RPS6KC1: variants seen among roughly 807,000 people sequenced by gnomAD.
The protein encoded by RPS6KC1 is inactive ribosomal protein S6 kinase delta-1.
Under a neutral mutation model 103.8 loss-of-function variants are expected in RPS6KC1, and 54 were observed. The observed-to-expected ratio is 0.52, with a 90% confidence interval of 0.42 to 0.65. The LOEUF (loss-of-function observed/expected upper bound fraction) is 0.65, where lower values mean the gene tolerates loss of function less well. Ranked by LOEUF, RPS6KC1 falls within the 30% of genes least tolerant of loss-of-function variation. RPS6KC1 has a pLI of 0.00. For synonymous variants in RPS6KC1, 439 were observed against 438.7 expected, an observed-to-expected ratio of 1.00 and a Z score of -0.01; for missense variants, 1,151 against 1,253.8, an observed-to-expected ratio of 0.92 and a Z score of 1.24.
chr1:213,062,584 G>A (rs751675536), intron 1 of RPS6KC1, among the ~76,000 whole-genome samples: 1 of 151,060 alleles, frequency 6.6e-6, no homozygotes, highest in Admixed American at 6.6e-5. Context: ...TTGGGGCGGA[G>A]TCTCGCTCTG....
chr1:213,635,357 G>C, the RPS6KC1 span, among the ~76,000 whole-genome samples: 8 of 152,116 alleles, frequency 5.3e-5, no homozygotes, highest in Admixed American at 3.3e-4. Flanking sequence ...AATGAACATC[G>C]ATGTGAAAAT....
the RPS6KC1 span, among the ~76,000 whole-genome samples, chr1:213,743,400 A>G: frequency 6.6e-6 from 1 of 152,118 alleles, no homozygotes; most frequent in South Asian, 2.1e-4. Flanking sequence ...AAGAAAGGAG[A>G]GAGGAATGGG....
At chr1:213,796,561 A>G in the RPS6KC1 span, among the ~76,000 whole-genome samples, 1 of 152,162 alleles carries the variant, frequency 6.6e-6, no homozygotes, top group East Asian at 1.9e-4. Context: ...AGCAAAAGGT[A>G]CCTCAATCAT....
chr1:213,545,738 G>A, the RPS6KC1 span, among the ~76,000 whole-genome samples: 1 of 152,052 alleles, frequency 6.6e-6, no homozygotes, highest in African/African-American at 2.4e-5. Flanking sequence ...AGATTGTGTG[G>A]GCTCTGTGAA....
At chr1:213,640,454 C>T in the RPS6KC1 span, among the ~76,000 whole-genome samples, 1 of 149,818 alleles carries the variant, frequency 6.7e-6, no homozygotes, top group Non-Finnish European at 1.5e-5. Context: ...GATTTGTGTT[C>T]ATTTTTTTTT....
the RPS6KC1 span, among the ~76,000 whole-genome samples, chr1:213,534,790 T>C: frequency 2.6e-5 from 4 of 152,212 alleles, no homozygotes; most frequent in African/African-American, 7.2e-5. Context: ...CTTAAGAAGC[T>C]CTTACTTCAG....
At chr1:213,645,781 C>A in the RPS6KC1 span, among the ~76,000 whole-genome samples, 1 of 152,302 alleles carries the variant, frequency 6.6e-6, no homozygotes, top group East Asian at 1.9e-4. Flanking sequence ...TTTGGCTGGG[C>A]CACTGAAGCT....
chr1:213,376,904 GAGA>G, the RPS6KC1 span, among the ~76,000 whole-genome samples: 28 of 152,326 alleles, frequency 1.8e-4, no homozygotes, highest in Non-Finnish European at 3.1e-4. Flanking sequence ...GACAATCAGG[GAGA>G]AGAAGAATGA....
At chr1:213,384,301 A>T in the RPS6KC1 span, among the ~76,000 whole-genome samples, 2 of 146,402 alleles carry the variant, frequency 1.4e-5, no homozygotes, top group African/African-American at 5.4e-5. Context: ...TATATATATA[A>T]ATCTCAGCAT....
the RPS6KC1 span, among the ~76,000 whole-genome samples, chr1:213,523,730 ACT>A: frequency 6.6e-6 from 1 of 152,340 alleles, no homozygotes; most frequent in Non-Finnish European, 1.5e-5. Flanking sequence ...TGTAATTCAA[ACT>A]GCTGTAAGTG....
At chr1:213,675,968 AC>A in the RPS6KC1 span, among the ~76,000 whole-genome samples, 1 of 152,112 alleles carries the variant, frequency 6.6e-6, no homozygotes. Context: ...TAAAGTTCTA[AC>A]TCAGCTAAAC....
At chr1:213,732,635 T>C in the RPS6KC1 span, among the ~76,000 whole-genome samples, 1 of 152,176 alleles carries the variant, frequency 6.6e-6, no homozygotes, top group Admixed American at 6.5e-5. Flanking sequence ...CGGATCCCTA[T>C]GACACTGTGG....
the RPS6KC1 span, among the ~76,000 whole-genome samples, chr1:213,321,340 G>T: frequency 6.6e-6 from 1 of 152,154 alleles, no homozygotes; most frequent in African/African-American, 2.4e-5. Flanking sequence ...GCTCCTTGAG[G>T]TGTTCCCTTG....
the RPS6KC1 span, among the ~76,000 whole-genome samples, chr1:213,753,588 T>C: frequency 6.6e-6 from 1 of 152,202 alleles, no homozygotes; most frequent in Non-Finnish European, 1.5e-5. Flanking sequence ...TCACCTTCTC[T>C]TTGGTTATCC....
At chr1:213,410,365 G>C in the RPS6KC1 span, among the ~76,000 whole-genome samples, 1 of 152,154 alleles carries the variant, frequency 6.6e-6, no homozygotes, top group African/African-American at 2.4e-5. Flanking sequence ...AGAAAGGCCA[G>C]GCTAAGGTGG....
chr1:213,703,687 C>T, the RPS6KC1 span, among the ~76,000 whole-genome samples: 5 of 152,104 alleles, frequency 3.3e-5, no homozygotes, highest in Non-Finnish European at 7.4e-5. Context: ...TGTAAGGTTC[C>T]CACTGAAAAG....
the RPS6KC1 span, among the ~76,000 whole-genome samples, chr1:213,467,026 T>A: frequency 6.6e-6 from 1 of 152,016 alleles, no homozygotes; most frequent in African/African-American, 2.4e-5. Flanking sequence ...TTTTTTTTTT[T>A]AACTAGTTTT....
chr1:213,787,018 G>C, the RPS6KC1 span, among the ~76,000 whole-genome samples: 1 of 152,204 alleles, frequency 6.6e-6, no homozygotes, highest in African/African-American at 2.4e-5. Context: ...GGGAGACAAA[G>C]AGAATGAAAT....
chr1:213,322,595 G>A, the RPS6KC1 span, among the ~76,000 whole-genome samples: 3 of 152,128 alleles, frequency 2.0e-5, no homozygotes, highest in African/African-American at 7.2e-5. Context: ...AGTTCTTGAG[G>A]TCAAAGTCGT....
Sources: allele counts gnomAD v4.1 joint callset (sites outside exome capture counted in the v4.1 genomes callset), GRCh38; gene constraint gnomAD v4.1.1; transcripts MANE v1.5; gene names NCBI Gene and HGNC (gene_info 2026-07-23, HGNC 2026-07-21).